The following TRPM3 variants were observed in gnomAD, a reference collection of about 807,000 sequenced individuals.
TRPM3 encodes long transient receptor potential channel 3.
A neutral mutation model predicts 181.2 loss-of-function variants in TRPM3; 77 were observed. The ratio of observed to expected loss-of-function variants is 0.42; its 90% confidence interval spans 0.35 to 0.51. The LOEUF (loss-of-function observed/expected upper bound fraction) is 0.51, where lower values mean the gene tolerates loss of function less well. Among genes scored for constraint, TRPM3 ranks in the 20% least tolerant of loss-of-function variants. The pLI is 0.01. For synonymous variants in TRPM3, 745 were observed against 796.4 expected, an observed-to-expected ratio of 0.94 and a Z score of 1.09; for missense variants, 1,759 against 2,196.7, an observed-to-expected ratio of 0.80 and a Z score of 3.98.
chr9:71,247,814 T>C (rs1272262785), intron 1 of TRPM3, among the ~76,000 whole-genome samples: 1 of 152,106 alleles, frequency 6.6e-6, no homozygotes, highest in Non-Finnish European at 1.5e-5. Flanking sequence ...GGCAGAAATA[T>C]GAGATCCAAC....
intron 1 of TRPM3, among the ~76,000 whole-genome samples, chr9:71,243,275 C>T (rs1461331703): frequency 6.6e-6 from 1 of 152,194 alleles, no homozygotes; most frequent in African/African-American, 2.4e-5. Context: ...CTCCTGACCT[C>T]AGCCTCTCAA....
chr9:71,187,457 C>G (rs975531445), intron 1 of TRPM3, among the ~76,000 whole-genome samples: 2 of 151,792 alleles, frequency 1.3e-5, no homozygotes, highest in Non-Finnish European at 2.9e-5. Flanking sequence ...GAGAGAATAG[C>G]GAAGGATATG....
chr9:71,373,556 C>T (rs1349730936), intron 1 of TRPM3, among the ~76,000 whole-genome samples: 1 of 152,104 alleles, frequency 6.6e-6, no homozygotes, highest in African/African-American at 2.4e-5. Flanking sequence ...TAGACGCATA[C>T]ACCCTCCCAT....
chr9:71,260,106 C>A (rs2082941756), intron 1 of TRPM3, among the ~76,000 whole-genome samples: 1 of 152,138 alleles, frequency 6.6e-6, no homozygotes, highest in Non-Finnish European at 1.5e-5. Flanking sequence ...TATGGCTAAG[C>A]AGTTTTCCCA....
At chr9:70,549,795 G>T in intron 24 of TRPM3, 121 bp from the exon 25 acceptor site, 1 of 1,059,922 alleles carries the variant, frequency 9.4e-7, no homozygotes, top group Non-Finnish European at 1.3e-6. Context: ...TAGATTCCTT[G>T]TTAAGTCTCA....
At chr9:71,446,963 T>A (rs2094211711), upstream of TRPM3, 1 of 973,120 alleles carries the variant, frequency 1.0e-6, no homozygotes, top group Non-Finnish European at 1.4e-6. Context: ...CGCCGGCTCC[T>A]GCCAGAGCCC....
intron 1 of TRPM3, among the ~76,000 whole-genome samples, chr9:71,220,358 TA>T (rs1554849259): frequency 8.8e-4 from 23 of 26,086 alleles, no homozygotes; most frequent in Admixed American, 1.8e-3. Context: ...AAGTCTGATT[TA>T]TTATTATTAT....
chr9:70,610,238 C>T (rs2061804828), intron 19 of TRPM3, among the ~76,000 whole-genome samples: 1 of 152,156 alleles, frequency 6.6e-6, no homozygotes, highest in Non-Finnish European at 1.5e-5. Flanking sequence ...CAAAAGTACC[C>T]CCAAATCCGG....
intron 8 of TRPM3, among the ~76,000 whole-genome samples, chr9:70,755,665 C>T (rs7036878): frequency 0.43 from 65,816 of 151,792 alleles, 15,128 homozygotes; most frequent in African/African-American, 0.59. Context: ...CCAGACCCGG[C>T]CATCGACATT....
chr9:70,959,792 T>C (rs1175939176), intron 1 of TRPM3, among the ~76,000 whole-genome samples: 6 of 152,204 alleles, frequency 3.9e-5, no homozygotes, highest in Non-Finnish European at 7.3e-5. Context: ...GATTGCGTTA[T>C]AATTTCTCAA....
At chr9:70,982,969 G>A (rs981522679) in intron 1 of TRPM3, among the ~76,000 whole-genome samples, 1 of 152,114 alleles carries the variant, frequency 6.6e-6, no homozygotes, top group African/African-American at 2.4e-5. Flanking sequence ...AAAGTGCTGG[G>A]ACTATAGGGG....
At chr9:71,344,617 G>A (rs1159906173) in intron 1 of TRPM3, among the ~76,000 whole-genome samples, 1 of 152,110 alleles carries the variant, frequency 6.6e-6, no homozygotes. Flanking sequence ...GAACATAAAA[G>A]CTAAGACTAT....
chr9:70,864,588 A>T (rs1024065066), intron 1 of TRPM3, 77 bp from the exon 2 acceptor site: 11 of 1,086,302 alleles, frequency 1.0e-5, no homozygotes, highest in Admixed American at 3.2e-5. Context: ...TTTTAACTAG[A>T]AAGCAAAATT....
intron 1 of TRPM3, among the ~76,000 whole-genome samples, chr9:71,378,731 C>G (rs958870509): frequency 6.6e-6 from 1 of 151,994 alleles, no homozygotes; most frequent in Admixed American, 6.6e-5. Flanking sequence ...TGAGTTAATA[C>G]CTTCAAATAT....
intron 6 of TRPM3, among the ~76,000 whole-genome samples, chr9:70,797,652 C>T (rs2087532105): frequency 6.6e-6 from 1 of 152,202 alleles, no homozygotes; most frequent in Non-Finnish European, 1.5e-5. Flanking sequence ...TTCCTCACTC[C>T]TGGTTTCAAG....
At chr9:71,360,105 A>G (rs1329247875) in intron 1 of TRPM3, among the ~76,000 whole-genome samples, 1 of 152,074 alleles carries the variant, frequency 6.6e-6, no homozygotes, top group African/African-American at 2.4e-5. Flanking sequence ...TTTCATCATT[A>G]TCATTTATAT....
At chr9:70,968,738 T>C (rs909277295) in intron 1 of TRPM3, among the ~76,000 whole-genome samples, 1 of 152,152 alleles carries the variant, frequency 6.6e-6, no homozygotes, top group African/African-American at 2.4e-5. Flanking sequence ...ATTTGATGCT[T>C]ACAACAATTA....
At chr9:71,357,125 A>T (rs2091931171) in intron 1 of TRPM3, among the ~76,000 whole-genome samples, 1 of 152,176 alleles carries the variant, frequency 6.6e-6, no homozygotes, top group Admixed American at 6.6e-5. Context: ...CCCCAAAACT[A>T]TATTTGCTAT....
intron 1 of TRPM3, among the ~76,000 whole-genome samples, chr9:71,210,434 C>A (rs922426775): frequency 3.3e-5 from 5 of 152,172 alleles, no homozygotes; most frequent in African/African-American, 1.2e-4. Context: ...CCCTCCCTGA[C>A]CCACTCCCTG....
Sources: gnomAD v4.1 joint callset for allele counts (sites outside exome capture counted in the v4.1 genomes callset) on GRCh38, gnomAD v4.1.1 for gene constraint, MANE v1.5 for transcripts, NCBI Gene and HGNC (gene_info 2026-07-23, HGNC 2026-07-21) for gene names.